The following RUFY2 variants were observed in gnomAD, a reference collection of about 807,000 sequenced individuals.
RUFY2 encodes the protein RUN and FYVE domain containing 2.
In RUFY2, 49 loss-of-function variants were observed where a neutral mutation model predicts 94.4. The observed-to-expected ratio is 0.52, with a 90% confidence interval of 0.41 to 0.66. The LOEUF (loss-of-function observed/expected upper bound fraction) is 0.66, where lower values mean the gene tolerates loss of function less well. Ranked by LOEUF, RUFY2 falls within the 30% of genes least tolerant of loss-of-function variation. The pLI, the probability that RUFY2 is intolerant of heterozygous loss-of-function variation, is 0.00. For synonymous variants in RUFY2, 255 were observed against 235.7 expected (o/e 1.08, Z -0.75); for missense variants, 541 against 692.8 (o/e 0.78, Z 2.46).
At position 68,345,644 on chromosome 10, in the gene RUFY2, A is replaced by G; in HGVS notation, c.*124T>C. 1.3e-6 allele frequency: 1 copy of G among 744,340 alleles called. No individual in the cohort carries two copies. Among genetic ancestry groups the G allele is most frequent in the Non-Finnish European group, 2.2e-6 (1 of 452,518 alleles). 46.1% of individuals were successfully genotyped at this position (744,340 alleles called of 1,614,324 possible). On this transcript the variant is annotated 3_prime_UTR_variant, in exon 18 of 18. Coordinates refer to ENST00000602465, the MANE Select transcript of RUFY2 (RefSeq NM_001330103.2). ...TAATTTCCATGAGCTGAATATGTAGAAGATAAACTGGTACCAAATACTGAC... is the reference window on the plus strand; with the variant it reads ...TAATTTCCATGAGCTGAATATGTAGGAGATAAACTGGTACCAAATACTGAC...
intron 2 of RUFY2, among the ~76,000 whole-genome samples, chr10:68,402,724 CA>C (rs34726850): frequency 2.2e-4 from 30 of 136,218 alleles, no homozygotes; most frequent in Non-Finnish European, 3.2e-4. Flanking sequence ...ACCCCCATCT[CA>C]AAAAAAAAAA....
intron 14 of RUFY2, 28 bp downstream of exon 14, chr10:68,363,956 G>T: frequency 1.3e-6 from 2 of 1,504,590 alleles, no homozygotes; most frequent in Non-Finnish European, 1.8e-6. Context: ...TGTCAAGACA[G>T]AATTTTTAAA....
intron 13 of RUFY2, among the ~76,000 whole-genome samples, chr10:68,366,597 C>G (rs1375596770): frequency 6.8e-6 from 1 of 146,636 alleles, no homozygotes; most frequent in Non-Finnish European, 1.5e-5. Context: ...ACAAAAATAG[C>G]CAGACATGGT....
intron 13 of RUFY2, among the ~76,000 whole-genome samples, chr10:68,371,228 T>C (rs1307480795): frequency 1.3e-5 from 2 of 150,768 alleles, no homozygotes; most frequent in African/African-American, 4.9e-5. Flanking sequence ...AAGACCAAAC[T>C]GGCTAAGATG....
Position 68,345,857 on chromosome 10 carries a change from G to GT in RUFY2, c.1731dup (p.Leu578ThrfsTer14). ...GGTTTTGGTGAAGAAGGCAAAGGTA[G>GT]TTCGTTGTCAGAGCAGGCATTACAG... is the stretch of plus-strand genomic sequence containing the variant. On this transcript the variant is annotated frameshift_variant, in exon 18 of 18. Transcript: ENST00000602465. LOFTEE classifies it high-confidence loss of function. The GT allele has an allele frequency of 6.2e-7, 1 of 1,614,132 alleles. No homozygotes were observed. Among genetic ancestry groups the GT allele is most frequent in the Non-Finnish European group, 8.5e-7 (1 of 1,179,996 alleles).
At chr10:68,402,776 T>C (rs1450109310) in intron 2 of RUFY2, among the ~76,000 whole-genome samples, 1 of 149,438 alleles carries the variant, frequency 6.7e-6, no homozygotes, top group East Asian at 2.0e-4. Context: ...TACCATAAAA[T>C]ATCGCACAGC....
At chr10:68,341,353 A>C (rs1389291975), downstream of RUFY2, 1 of 1,566,582 alleles carries the variant, frequency 6.4e-7, no homozygotes, top group Non-Finnish European at 8.6e-7. Flanking sequence ...CTAAACGTGA[A>C]TTTATAAAAT....
rs1411845921 is a variant in RUFY2, at chr10:68,381,354, T to C, written c.985A>G (p.Ile329Val). 1.2e-6 allele frequency: 2 copies of C among 1,614,126 alleles called. No homozygotes were observed. The highest frequency in any genetic ancestry group is 1.7e-6 in the Non-Finnish European group (2 of 1,180,006). ...TCCAGCAACTTCATGGCAAGTTCAA[T>C]CTCATGCTTCATACTAACTTGTACT... ...LAVQVSMKHE[I>V]ELAMKLLEKD... Residue 329 changes from isoleucine (I) to valine (V), a missense_variant, in exon 11 of 18, where the codon ATT (isoleucine) becomes GTT (valine). Transcript: ENST00000602465.
Position 68,345,798 on chromosome 10 carries a change from G to A in RUFY2, c.1791C>T (p.Leu597=), listed in dbSNP as rs1406291504. 6.2e-7 allele frequency: 1 copy of A among 1,613,670 alleles called. No individual in the cohort carries two copies. Residue 597 remains leucine (L), a synonymous_variant, in exon 18 of 18, where the codon CTC becomes CTT. Coordinates refer to ENST00000602465, the MANE Select transcript of RUFY2 (RefSeq NM_001330103.2). ...GCAAGTTAGATGAGCATCTCTGAAT[G>A]AGCAGTGCATGACAGGAATCACAAA... ...VRVCDSCHAL[L]IQRCSSNLP is the part of the protein sequence containing the mutation.
rs533250700 is a variant in RUFY2 at position 68,345,376 on chromosome 10, G to A, written c.*392C>T. The A allele has an allele frequency of 4.1e-5, 16 of 387,348 alleles. No homozygotes were observed. Among genetic ancestry groups the A allele is most frequent in the African/African-American group, 1.7e-4 (8 of 48,462 alleles). The allele number at this position is 387,348 out of a possible 1,614,324, so 24.0% of individuals were successfully genotyped here. A position where few individuals can be genotyped will look rare whatever the true frequency, so the allele number is the denominator to read the frequency against. On this transcript the variant is annotated 3_prime_UTR_variant, in exon 18 of 18. Coordinates refer to ENST00000602465, the MANE Select transcript of RUFY2 (RefSeq NM_001330103.2). ...ATTAATAATTTTAAAAGTTTTATGC[G>A]TTTCCAGTTTCAGAACTGTGAAGCT... is the stretch of plus-strand genomic sequence containing the variant.
At chr10:68,356,072 T>TG (rs1001256715) in intron 15 of RUFY2, among the ~76,000 whole-genome samples, 73 of 152,278 alleles carry the variant, frequency 4.8e-4, no homozygotes, top group African/African-American at 1.6e-3. Flanking sequence ...AAATGACTGA[T>TG]GAAGTTTAGT....
At chr10:68,404,591 C>T in intron 2 of RUFY2, 80 bp downstream of exon 2, 2 of 1,016,640 alleles carry the variant, frequency 2.0e-6, no homozygotes, top group South Asian at 4.9e-5. Flanking sequence ...TAATTATGGC[C>T]TCAAAAAATA....
At chr10:68,361,654 A>G (rs770079193) in intron 15 of RUFY2, among the ~76,000 whole-genome samples, 23 of 152,220 alleles carry the variant, frequency 1.5e-4, no homozygotes, top group Non-Finnish European at 2.2e-4. Flanking sequence ...TTTGAGATCT[A>G]ATATTTCCTT....
intron 1 of RUFY2, 171 bp downstream of exon 1, chr10:68,407,015 A>G: frequency 6.7e-7 from 1 of 1,491,892 alleles, no homozygotes; most frequent in Non-Finnish European, 8.9e-7. Flanking sequence ...CGTTGCCATG[A>G]CGACCCCGGG....
At chr10:68,392,180 C>T (rs540653529) in intron 7 of RUFY2, among the ~76,000 whole-genome samples, 18 of 151,782 alleles carry the variant, frequency 1.2e-4, no homozygotes, top group African/African-American at 3.9e-4. Flanking sequence ...TACAGGTGAC[C>T]GCCACCACCC....
At chr10:68,352,269 T>C (rs1184241496) in intron 16 of RUFY2, among the ~76,000 whole-genome samples, 1 of 152,134 alleles carries the variant, frequency 6.6e-6, no homozygotes, top group African/African-American at 2.4e-5. Flanking sequence ...TCTCCAGATG[T>C]GTAAATTCTT....
chr10:68,407,154 C>T (rs1177144039), intron 1 of RUFY2, 32 bp downstream of exon 1: 1 of 1,490,490 alleles, frequency 6.7e-7, no homozygotes, highest in South Asian at 1.3e-5. Context: ...GGACTGAGGG[C>T]CTAGCGTTCG....
chr10:68,362,104 G>A (rs535758540), intron 15 of RUFY2, among the ~76,000 whole-genome samples: 27 of 152,150 alleles, frequency 1.8e-4, no homozygotes, highest in Middle Eastern at 3.4e-3. Context: ...GCAGGATGAT[G>A]TCCTGAGCCC....
At chr10:68,361,008 C>G (rs1356301277) in intron 15 of RUFY2, among the ~76,000 whole-genome samples, 1 of 151,820 alleles carries the variant, frequency 6.6e-6, no homozygotes, top group Non-Finnish European at 1.5e-5. Context: ...AGGGGCCGGG[C>G]GTGGTGGCTC....
Sources: allele counts gnomAD v4.1 joint callset (sites outside exome capture counted in the v4.1 genomes callset), GRCh38; gene constraint gnomAD v4.1.1; transcripts MANE v1.5; gene names NCBI Gene and HGNC (gene_info 2026-07-23, HGNC 2026-07-21).